PDZD2: variants seen among roughly 807,000 people sequenced by gnomAD.
The protein encoded by PDZD2 is PDZ domain containing 2.
PDZD2 carries 90 observed loss-of-function variants against 220.7 expected under a neutral mutation model. That is an observed-to-expected ratio of 0.41 (90% CI 0.34 to 0.49). The LOEUF (loss-of-function observed/expected upper bound fraction) is 0.49. Among genes scored for constraint, PDZD2 ranks in the 20% least tolerant of loss-of-function variants. The pLI, the probability that PDZD2 is intolerant of heterozygous loss-of-function variation, is 0.28. For missense variants in PDZD2, 3,174 were observed against 3,608.5 expected (o/e 0.88, Z 3.08); for synonymous variants, 1,375 against 1,450.5 (o/e 0.95, Z 1.18).
chr5:31,708,884 T>G (rs1241113810), intron 1 of PDZD2, among the ~76,000 whole-genome samples: 2 of 144,446 alleles, frequency 1.4e-5, no homozygotes, highest in East Asian at 2.0e-4. Context: ...GTGTTTTGTT[T>G]TTTTTTTTTT....
chr5:31,894,638 T>G (rs143750998), intron 2 of PDZD2, among the ~76,000 whole-genome samples: 2 of 152,274 alleles, frequency 1.3e-5, no homozygotes, highest in East Asian at 3.9e-4. Context: ...AACATGGTTA[T>G]AATTAGCGTG....
chr5:31,881,033 C>G (rs574338799), intron 2 of PDZD2, among the ~76,000 whole-genome samples: 2 of 151,768 alleles, frequency 1.3e-5, no homozygotes, highest in Admixed American at 6.6e-5. Context: ...AACTCCTGAC[C>G]TTGTGATACG....
intron 14 of PDZD2, among the ~76,000 whole-genome samples, chr5:32,064,469 C>G (rs1295040804): frequency 6.6e-6 from 1 of 151,958 alleles, no homozygotes; most frequent in East Asian, 2.0e-4. Context: ...TCTCGAACTC[C>G]TAACCTCAAG....
rs79862542 is a variant in PDZD2, at chr5:31,710,234, G to T, written c.-361+70797G>T. Among the ~76,000 whole-genome samples the T allele has an allele frequency of 5.4e-3, 826 of 152,318 alleles. 11 individuals carry two copies. Among genetic ancestry groups the T allele is most frequent in the African/African-American group, 0.019 (787 of 41,574 alleles). ...GAACTCCCTTTTTGGTTGCTGGACT[G>T]TATTTCTGTGATCCCAGTAGCACTC... On this transcript the variant is annotated intron_variant, in intron 1 of 24. Coordinates refer to ENST00000438447, the MANE Select transcript of PDZD2 (RefSeq NM_178140.4).
At chr5:32,091,897 G>T (rs965363971) in intron 20 of PDZD2, among the ~76,000 whole-genome samples, 2 of 152,202 alleles carry the variant, frequency 1.3e-5, no homozygotes, top group African/African-American at 4.8e-5. Context: ...GGGGCATGCA[G>T]AGGAAGAGAG....
chr5:31,711,687 T>C (rs531578655), intron 1 of PDZD2, among the ~76,000 whole-genome samples: 1 of 152,128 alleles, frequency 6.6e-6, no homozygotes, highest in African/African-American at 2.4e-5. Flanking sequence ...ATCTATAAAA[T>C]GAGCCAGATG....
intron 2 of PDZD2, among the ~76,000 whole-genome samples, chr5:31,910,207 G>A (rs1322231681): frequency 7.1e-6 from 1 of 141,842 alleles, no homozygotes; most frequent in Non-Finnish European, 1.5e-5. Context: ...TGGAGCTCCA[G>A]AGTTCCTGCA....
At chr5:31,729,756 C>T (rs13181582) in intron 1 of PDZD2, among the ~76,000 whole-genome samples, 27,137 of 152,196 alleles carry the variant, frequency 0.18, 2,594 homozygotes, top group Non-Finnish European at 0.21. Context: ...TCCAAGAGGA[C>T]AGAGAGTGTA....
At chr5:31,668,824 A>G (rs1327200656) in intron 1 of PDZD2, among the ~76,000 whole-genome samples, 1 of 152,218 alleles carries the variant, frequency 6.6e-6, no homozygotes, top group East Asian at 1.9e-4. Flanking sequence ...AAAAATGTAG[A>G]AACAGCATCC....
chr5:31,761,768 G>A (rs1751669168), intron 1 of PDZD2, among the ~76,000 whole-genome samples: 1 of 151,866 alleles, frequency 6.6e-6, no homozygotes, highest in Non-Finnish European at 1.5e-5. Context: ...GGCTGAGACA[G>A]GAGAATCGCT....
chr5:31,811,520 C>T (rs1755108516), intron 2 of PDZD2, among the ~76,000 whole-genome samples: 1 of 152,162 alleles, frequency 6.6e-6, no homozygotes. Context: ...GGGCTAGTTC[C>T]ATAGCTGAAG....
chr5:32,088,905 G>C lies in PDZD2; in HGVS notation c.5457G>C (p.Glu1819Asp), dbSNP rs370323009. 300 of 1,613,872 alleles carry C rather than the reference G, an allele frequency of 1.9e-4. 1 individual carries two copies. Among genetic ancestry groups the C allele is most frequent in the Non-Finnish European group, 2.4e-4 (280 of 1,179,996 alleles). ...NQGTHLRSKT[E>D]KEQPLMPARS... ...GCACACATTTGAGGAGCAAAACCGA[G>C]AAGGAACAACCTCTAATGCCTGCCA... Residue 1819 changes from glutamate to aspartate, a missense_variant, in exon 20 of 25, where the codon GAG becomes GAC. Glu to Asp is a conservative substitution (Grantham distance 45, BLOSUM62 2). Transcript: ENST00000438447. This position sits in a 1 kb window ranked among gnomAD's most constrained non-coding sequence, Gnocchi z 4.6.
intron 2 of PDZD2, among the ~76,000 whole-genome samples, chr5:31,889,990 T>C (rs954673483): frequency 6.6e-6 from 1 of 151,856 alleles, no homozygotes; most frequent in Non-Finnish European, 1.5e-5. Flanking sequence ...GTCACTGCAC[T>C]CCAGCCTGGG....
chr5:31,930,503 A>G (rs543054007), intron 2 of PDZD2, among the ~76,000 whole-genome samples: 1 of 152,062 alleles, frequency 6.6e-6, no homozygotes, highest in Admixed American at 6.5e-5. Flanking sequence ...CCGGCCAGGT[A>G]TTTCCCTATA....
chr5:31,773,723 G>A (rs756458674), intron 1 of PDZD2, among the ~76,000 whole-genome samples: 5 of 152,098 alleles, frequency 3.3e-5, no homozygotes, highest in Non-Finnish European at 7.3e-5. Flanking sequence ...AGACAGTCTA[G>A]TGGAAAAAAA....
At chr5:31,872,532 A>G (rs1216671564) in intron 2 of PDZD2, among the ~76,000 whole-genome samples, 1 of 131,422 alleles carries the variant, frequency 7.6e-6, no homozygotes, top group African/African-American at 2.5e-5. Flanking sequence ...TTGAAAACAA[A>G]CACAATATAT....
At chr5:31,978,542 A>AC (rs1749986750) in intron 2 of PDZD2, among the ~76,000 whole-genome samples, 2 of 151,912 alleles carry the variant, frequency 1.3e-5, no homozygotes, top group Admixed American at 6.6e-5. Flanking sequence ...ACATGGTGAA[A>AC]CCCCGTCTCT....
chr5:31,694,703 A>G (rs866262226), intron 1 of PDZD2, among the ~76,000 whole-genome samples: 1 of 150,134 alleles, frequency 6.7e-6, no homozygotes, highest in South Asian at 2.1e-4. Flanking sequence ...CAGTCCCTAT[A>G]CAGGCTGGGC....
chr5:31,802,806 G>A (rs1389253233), intron 2 of PDZD2, among the ~76,000 whole-genome samples: 1 of 151,164 alleles, frequency 6.6e-6, no homozygotes, highest in Non-Finnish European at 1.5e-5. Context: ...TGTAGTCCCA[G>A]CTACTTGGGA....
Sources: allele counts gnomAD v4.1 joint callset (sites outside exome capture counted in the v4.1 genomes callset), GRCh38; gene constraint gnomAD v4.1.1; non-coding constraint Gnocchi (gnomAD v3.1); transcripts MANE v1.5; gene names NCBI Gene and HGNC (gene_info 2026-07-23, HGNC 2026-07-21).